Variants in POLQ observed in about 807,000 individuals in gnomAD.
POLQ encodes the protein epididymis secretory sperm binding protein.
In POLQ, 233 loss-of-function variants were observed where a neutral mutation model predicts 259.2. That is an observed-to-expected ratio of 0.90 (90% CI 0.81 to 1.00). The LOEUF (loss-of-function observed/expected upper bound fraction) is 1.00, where lower values mean the gene tolerates loss of function less well. Among genes scored for constraint, POLQ ranks in the 50% least tolerant of loss-of-function variants. POLQ has a pLI of 0.00. For missense variants in POLQ, 2,871 were observed against 3,051.6 expected (o/e 0.94, Z 1.39); for synonymous variants, 1,025 against 1,048.8 (o/e 0.98, Z 0.44).
At chr3:121,490,639 G>A (rs2108799344) in intron 15 of POLQ, among the ~76,000 whole-genome samples, 1 of 152,280 alleles carries the variant, frequency 6.6e-6, no homozygotes, top group East Asian at 1.9e-4. Context: ...CAAAAATAAG[G>A]CACCAGAAAG....
intron 10 of POLQ, 81 bp from the exon 11 acceptor site, chr3:121,510,324 T>A (rs2048244808): frequency 1.1e-6 from 1 of 942,322 alleles, no homozygotes; most frequent in South Asian, 1.5e-5. Flanking sequence ...ATGCCTGTAA[T>A]CCCAGCACTT....
At chr3:121,538,613 C>T (rs2048467286) in intron 4 of POLQ, among the ~76,000 whole-genome samples, 1 of 151,612 alleles carries the variant, frequency 6.6e-6, no homozygotes, top group Admixed American at 6.6e-5. Flanking sequence ...AGTATTCTGC[C>T]TGCCGTGTGC....
intron 20 of POLQ, among the ~76,000 whole-genome samples, chr3:121,474,793 T>A (rs1302834145): frequency 6.6e-6 from 1 of 152,232 alleles, no homozygotes. Context: ...GGTTGCCACA[T>A]ATACCAAATA....
chr3:121,483,028 C>T (rs2047982807), intron 18 of POLQ, among the ~76,000 whole-genome samples: 1 of 152,124 alleles, frequency 6.6e-6, no homozygotes, highest in Non-Finnish European at 1.5e-5. Context: ...CTGCCTCCAC[C>T]CTCATGAATA....
At chr3:121,514,284 C>T (rs13085365) in intron 9 of POLQ, among the ~76,000 whole-genome samples, 88,177 of 147,756 alleles carry the variant, frequency 0.6, 27,233 homozygotes, top group East Asian at 0.89. Flanking sequence ...ACCAAGATTG[C>T]GCCATCGCAC....
Position 121,436,210 on chromosome 3 carries a change from T to C in POLQ, c.7455A>G (p.Thr2485=). 4 of 1,613,688 alleles carry C rather than the reference T, an allele frequency of 2.5e-6. No homozygotes were observed. The highest frequency in any genetic ancestry group is 3.4e-6 in the Non-Finnish European group (4 of 1,179,574). ...TCTCTAATTGCTTCTGAATGTTAAC[T>C]GTGGCTATTTTGACAATATCAGCTG... ...GSAADIVKIA[T]VNIQKQLETF... is the part of the protein sequence containing the mutation. The change falls in exon 28 of 30, where the codon ACA becomes ACG. Residue 2485 remains threonine (T), a synonymous_variant. Transcript: ENST00000264233.
At chr3:121,528,926 T>C (rs921521115) in intron 7 of POLQ, among the ~76,000 whole-genome samples, 1 of 152,108 alleles carries the variant, frequency 6.6e-6, no homozygotes, top group Non-Finnish European at 1.5e-5. Context: ...TATTCCAGCC[T>C]AAGCGACCGT....
chr3:121,451,730 G>T (rs538367548), intron 25 of POLQ, among the ~76,000 whole-genome samples: 2 of 152,314 alleles, frequency 1.3e-5, no homozygotes, highest in Admixed American at 6.5e-5. Flanking sequence ...GGCTACTTGG[G>T]GGTCAGGGAC....
chr3:121,471,548 C>A (rs751640242), intron 22 of POLQ, among the ~76,000 whole-genome samples: 16 of 151,966 alleles, frequency 1.1e-4, no homozygotes, highest in Non-Finnish European at 1.9e-4. Context: ...TCGAGACCAG[C>A]CTGATCAATG....
At chr3:121,478,723 T>C (rs921280531) in intron 19 of POLQ, among the ~76,000 whole-genome samples, 4 of 151,216 alleles carry the variant, frequency 2.6e-5, no homozygotes, top group Admixed American at 2.0e-4. Context: ...AAAGCTGATG[T>C]TGCCATATTC....
intron 24 of POLQ, among the ~76,000 whole-genome samples, chr3:121,465,769 T>C (rs1026593415): frequency 6.6e-6 from 1 of 152,206 alleles, no homozygotes; most frequent in African/African-American, 2.4e-5. Flanking sequence ...ACTACTCCAC[T>C]GACTGGCTGT....
intron 20 of POLQ, 46 bp from the exon 21 acceptor site, chr3:121,473,533 G>C (rs1187046792): frequency 6.7e-7 from 1 of 1,491,010 alleles, no homozygotes; most frequent in East Asian, 2.3e-5. Flanking sequence ...AACTTGCAAG[G>C]ATTATCATTC....
intron 25 of POLQ, among the ~76,000 whole-genome samples, chr3:121,452,140 G>A (rs546015767): frequency 3.7e-4 from 56 of 152,290 alleles, no homozygotes; most frequent in South Asian, 8.3e-4. Flanking sequence ...TTGGAAAAGC[G>A]CAGTATTAGG....
chr3:121,503,693 T>C (rs1331773577), intron 12 of POLQ, among the ~76,000 whole-genome samples: 1 of 152,232 alleles, frequency 6.6e-6, no homozygotes, highest in Non-Finnish European at 1.5e-5. Flanking sequence ...AAGTCTCTGA[T>C]ATAAAATGAT....
intron 6 of POLQ, among the ~76,000 whole-genome samples, chr3:121,531,783 T>G (rs1256594420): frequency 6.6e-6 from 1 of 152,186 alleles, no homozygotes; most frequent in Non-Finnish European, 1.5e-5. Flanking sequence ...CAAATGAATG[T>G]GTTCACACAT....
At chr3:121,511,654 T>C (rs1400569101) in intron 10 of POLQ, among the ~76,000 whole-genome samples, 1 of 152,050 alleles carries the variant, frequency 6.6e-6, no homozygotes, top group African/African-American at 2.4e-5. Context: ...GGTGTGTGCC[T>C]GTAATCCCAG....
At chr3:121,449,262 AAATAT>A in intron 26 of POLQ, 48 bp downstream of exon 26, 1 of 931,906 alleles carries the variant, frequency 1.1e-6, no homozygotes, top group South Asian at 1.6e-5. Context: ...AAATTTTTAA[AAATAT>A]AATATGGTAA....
intron 2 of POLQ, among the ~76,000 whole-genome samples, chr3:121,544,497 GC>G (rs1317994729): frequency 6.6e-6 from 1 of 152,090 alleles, no homozygotes; most frequent in African/African-American, 2.4e-5. Flanking sequence ...AGGCAGAATT[GC>G]CCACTCTTTA....
intron 17 of POLQ, 74 bp from the exon 18 acceptor site, chr3:121,483,656 C>G (rs1268623151): frequency 2.6e-6 from 3 of 1,156,308 alleles, no homozygotes; most frequent in African/African-American, 1.6e-5. Flanking sequence ...AAGCAGCAAT[C>G]TTTAGTAGAA....
Sources: allele counts gnomAD v4.1 joint callset (sites outside exome capture counted in the v4.1 genomes callset), GRCh38; gene constraint gnomAD v4.1.1; transcripts MANE v1.5; gene names NCBI Gene and HGNC (gene_info 2026-07-23, HGNC 2026-07-21).